The following NCAPH variants were observed in gnomAD, a reference collection of about 807,000 sequenced individuals.
The protein encoded by NCAPH is condensin complex subunit 2.
In NCAPH, 38 loss-of-function variants were observed where a neutral mutation model predicts 85.5. That is an observed-to-expected ratio of 0.44 (90% CI 0.34 to 0.58). The LOEUF (loss-of-function observed/expected upper bound fraction) is 0.58. NCAPH is among the 20% of genes least tolerant of loss of function. NCAPH has a pLI of 0.01. For missense variants in NCAPH, 789 were observed against 916.6 expected, an observed-to-expected ratio of 0.86 and a Z score of 1.80; for synonymous variants, 301 against 335.1, an observed-to-expected ratio of 0.90 and a Z score of 1.11.
chr2:96,337,935 T>G (rs1296340522), intron 1 of NCAPH, among the ~76,000 whole-genome samples: 1 of 151,656 alleles, frequency 6.6e-6, no homozygotes, highest in Non-Finnish European at 1.5e-5. Flanking sequence ...ACAACCCTTT[T>G]TTTTTTTCTG....
intron 12 of NCAPH, among the ~76,000 whole-genome samples, chr2:96,361,802 A>G (rs1430724691): frequency 1.4e-4 from 14 of 101,348 alleles, no homozygotes; most frequent in East Asian, 3.1e-4. Context: ...ATGTATATAT[A>G]TGTGTATATA....
rs2064474784 is a variant in NCAPH, at chr2:96,353,388, A to G, written c.993A>G (p.Thr331=). Residue 331 remains threonine, a synonymous_variant, in exon 8 of 18, where the codon ACA becomes ACG. Transcript: ENST00000240423. ...AGTTTACACAGTGGGACAGTGAAACACATAATGAGGTGTGGTCAAGTTTTA... is the reference window on the plus strand; with the variant it reads ...AGTTTACACAGTGGGACAGTGAAACGCATAATGAGGTGTGGTCAAGTTTTA... ...GFQFTQWDSE[T]HNESVSALVD... is the part of the protein sequence containing the mutation. 1 of 1,613,908 alleles carries G rather than the reference A, an allele frequency of 6.2e-7. No individual in the cohort carries two copies. The highest frequency in any genetic ancestry group is 8.5e-7 in the Non-Finnish European group (1 of 1,179,858).
chr2:96,369,116 C>T (rs1283111779), intron 16 of NCAPH, 53 bp downstream of exon 16: 16 of 1,510,514 alleles, frequency 1.1e-5, no homozygotes, highest in African/African-American at 1.4e-5. Context: ...TCTGAGCTGT[C>T]CGCGTGGCAG....
At chr2:96,348,814 A>T (rs960411296) in intron 6 of NCAPH, among the ~76,000 whole-genome samples, 17 of 151,698 alleles carry the variant, frequency 1.1e-4, no homozygotes, top group Non-Finnish European at 2.1e-4. Context: ...GCCCAGCTAA[A>T]TTTTTTTGTA....
intron 9 of NCAPH, among the ~76,000 whole-genome samples, chr2:96,355,816 ATTAGAGACGGG>A (rs2064517431): frequency 3.3e-5 from 5 of 151,388 alleles, no homozygotes; most frequent in Non-Finnish European, 5.9e-5. Flanking sequence ...TAATTTTTTT[ATTAGAGACGGG>A]GTTTCACCAT....
At chr2:96,371,354 G>A (rs2064770760) in intron 17 of NCAPH, among the ~76,000 whole-genome samples, 1 of 152,090 alleles carries the variant, frequency 6.6e-6, no homozygotes, top group Non-Finnish European at 1.5e-5. Flanking sequence ...TACTGCTTTC[G>A]CTCATCAGCC....
At chr2:96,372,696 G>A (rs780438796) in intron 17 of NCAPH, among the ~76,000 whole-genome samples, 4 of 152,012 alleles carry the variant, frequency 2.6e-5, no homozygotes, top group African/African-American at 4.8e-5. Flanking sequence ...ACTGTTGGTG[G>A]TACTGCAGTG....
At position 96,364,498 on chromosome 2, in the gene NCAPH, G is replaced by A; in HGVS notation, c.1605G>A (p.Gln535=). 1 of 1,610,384 alleles carries A rather than the reference G, an allele frequency of 6.2e-7. No homozygotes were observed. Among genetic ancestry groups the A allele is most frequent in the Non-Finnish European group, 8.5e-7 (1 of 1,176,848 alleles). The change falls in exon 13 of 18, where the codon CAG becomes CAA. Residue 535 remains glutamine (Q), a synonymous_variant. Transcript: ENST00000240423. ...KPGTRLLKMA[Q]GHRVETEHYE... is the part of the protein sequence containing the mutation. ...TCCTTTAGTTACTTAAGATGGCCCA[G>A]GGCCATAGGGTAGAGACTGAGCATT...
intron 7 of NCAPH, among the ~76,000 whole-genome samples, chr2:96,352,456 C>T (rs2064457719): frequency 6.6e-6 from 1 of 152,184 alleles, no homozygotes; most frequent in Non-Finnish European, 1.5e-5. Flanking sequence ...TTTGAGACTC[C>T]TCTGCAGCAG....
chr2:96,364,035 C>T (rs1183385253), intron 12 of NCAPH, among the ~76,000 whole-genome samples: 2 of 152,126 alleles, frequency 1.3e-5, no homozygotes, highest in Non-Finnish European at 2.9e-5. Flanking sequence ...TTCCTAGGCT[C>T]AAGCAGTTCT....
intron 1 of NCAPH, among the ~76,000 whole-genome samples, chr2:96,336,281 G>A (rs998094642): frequency 6.6e-6 from 1 of 152,224 alleles, no homozygotes; most frequent in South Asian, 2.1e-4. Flanking sequence ...CTATTCAAAA[G>A]TACTGAGCTC....
Position 96,353,097 on chromosome 2 carries a change from G to A in NCAPH, c.911-209G>A, listed in dbSNP as rs190969801. Among the ~76,000 whole-genome samples, 19 of 152,310 alleles carry A rather than the reference G, an allele frequency of 1.2e-4. No individual in the cohort carries two copies. In the East Asian group the frequency reaches 3.7e-3, roughly 29 times the overall value. On this transcript the variant is annotated intron_variant, in intron 7 of 17. Coordinates refer to ENST00000240423, the MANE Select transcript of NCAPH (RefSeq NM_015341.5). ...AGTGCATAGCCTCACTCCAGCGTGG[G>A]TGTGGCCGACGCATCTGCTCGCTCC...
chr2:96,358,216 A>G (rs886256542), intron 9 of NCAPH, among the ~76,000 whole-genome samples: 6 of 152,224 alleles, frequency 3.9e-5, no homozygotes, highest in Non-Finnish European at 7.3e-5. Context: ...TGGATGACCT[A>G]ACAGATTATA....
chr2:96,353,459 A>G (rs2064476139), intron 8 of NCAPH, 62 bp downstream of exon 8: 18 of 1,396,366 alleles, frequency 1.3e-5, no homozygotes, highest in South Asian at 9.4e-5. Flanking sequence ...GTCCTGCCCA[A>G]TGGGAACCAA....
intron 10 of NCAPH, among the ~76,000 whole-genome samples, chr2:96,359,844 G>A (rs2064580295): frequency 2.0e-5 from 3 of 152,174 alleles, no homozygotes; most frequent in African/African-American, 4.8e-5. Flanking sequence ...GGCTGGTCTC[G>A]ACTCCTGGCC....
chr2:96,361,820 ATATATATAT>A (rs2064624399), intron 12 of NCAPH, among the ~76,000 whole-genome samples: 1 of 101,742 alleles, frequency 9.8e-6, no homozygotes, highest in African/African-American at 3.5e-5. Flanking sequence ...ATATATATAT[ATATATATAT>A]TTTTTTTTTT....
rs150500753 is a variant in NCAPH, at chr2:96,366,144, G to A, written c.1881+86G>A. 483 of 1,430,320 alleles carry A rather than the reference G, an allele frequency of 3.4e-4. 6 individuals are homozygous for A. The Middle Eastern group carries it at 5.2e-3, about 15-fold the overall frequency. 88.6% of individuals were successfully genotyped at this position (1,430,320 alleles called of 1,614,324 possible). ...TATGAGAGTCACGCAATCTGAGCTTGATTTCTTTTCTTCTCAGTTTTAACC... is the reference window on the plus strand; with the variant it reads ...TATGAGAGTCACGCAATCTGAGCTTAATTTCTTTTCTTCTCAGTTTTAACC... On this transcript the variant is annotated intron_variant, in intron 14 of 17. Coordinates refer to ENST00000240423, the MANE Select transcript of NCAPH (RefSeq NM_015341.5).
intron 6 of NCAPH, among the ~76,000 whole-genome samples, chr2:96,350,651 G>A (rs1375666349): frequency 1.3e-5 from 2 of 152,150 alleles, no homozygotes; most frequent in African/African-American, 2.4e-5. Flanking sequence ...TGGAGATGAC[G>A]AATGTGCTGC....
Position 96,344,246 on chromosome 2 carries a change from G to A in NCAPH, c.720+17G>A, listed in dbSNP as rs532229566. ...AAGTGTGAGGTGAGGAACTGTATGC[G>A]CAGTGTGGTTTCTGACTAATTCAGA... On this transcript the variant is annotated intron_variant, in intron 6 of 17. Transcript: ENST00000240423. 2.3e-5 allele frequency: 36 copies of A among 1,591,724 alleles called. No individual in the cohort carries two copies. The South Asian group carries it at 2.7e-4, about 12-fold the overall frequency.
Sources: allele counts gnomAD v4.1 joint callset (sites outside exome capture counted in the v4.1 genomes callset), GRCh38; gene constraint gnomAD v4.1.1; transcripts MANE v1.5; gene names NCBI Gene and HGNC (gene_info 2026-07-23, HGNC 2026-07-21).